Variants in CDH18 observed in about 807,000 individuals in gnomAD.
The protein encoded by CDH18 is cadherin 18, also known as cadherin-18.
A neutral mutation model predicts 67.9 loss-of-function variants in CDH18; 31 were observed. That is an observed-to-expected ratio of 0.46 (90% CI 0.34 to 0.62). The LOEUF (loss-of-function observed/expected upper bound fraction) is 0.62, where lower values mean the gene tolerates loss of function less well. Ranked by LOEUF, CDH18 falls within the 20% of genes least tolerant of loss-of-function variation. The probability of loss-of-function intolerance (pLI) is 0.01; values close to 1 mark genes in which losing one functional copy is unlikely to be tolerated. For synonymous variants in CDH18, 362 were observed against 347.2 expected (o/e 1.04, Z -0.48); for missense variants, 890 against 975.5 (o/e 0.91, Z 1.17).
At chr5:20,505,914 G>A (rs1754630173) in intron 1 of CDH18, among the ~76,000 whole-genome samples, 2 of 152,144 alleles carry the variant, frequency 1.3e-5, no homozygotes, top group African/African-American at 4.8e-5. Context: ...CACTCCATGT[G>A]GCCCATCAGT....
chr5:20,402,390 G>T (rs528520194), intron 1 of CDH18, among the ~76,000 whole-genome samples: 117 of 152,266 alleles, frequency 7.7e-4, no homozygotes, highest in African/African-American at 2.7e-3. Flanking sequence ...CAATGCTTGT[G>T]AAATATGTGT....
chr5:20,295,846 T>A (rs200353186), intron 1 of CDH18, among the ~76,000 whole-genome samples: 3 of 136,732 alleles, frequency 2.2e-5, no homozygotes, highest in Non-Finnish European at 3.2e-5. Flanking sequence ...CTGCAGACAT[T>A]TTATTTTATT....
chr5:19,733,540 C>A (rs1164283715), intron 4 of CDH18, among the ~76,000 whole-genome samples: 2 of 152,068 alleles, frequency 1.3e-5, no homozygotes, highest in African/African-American at 2.4e-5. Flanking sequence ...ATCAGTATGA[C>A]CTCATTCTTC....
At chr5:20,295,692 AC>A (rs1244759173) in intron 1 of CDH18, among the ~76,000 whole-genome samples, 4 of 151,346 alleles carry the variant, frequency 2.6e-5, no homozygotes, top group African/African-American at 9.7e-5. Context: ...GTGCCACTGC[AC>A]TCTAGCCTCG....
At chr5:19,577,064 A>G (rs1039551963) in intron 7 of CDH18, among the ~76,000 whole-genome samples, 3 of 152,164 alleles carry the variant, frequency 2.0e-5, no homozygotes, top group African/African-American at 7.2e-5. Flanking sequence ...AGAAAGTAGA[A>G]TGGTTGTTAC....
intron 1 of CDH18, chr5:20,305,689 G>C (rs1248834674): frequency 2.0e-5 from 9 of 440,660 alleles, no homozygotes; most frequent in East Asian, 4.7e-5. Context: ...CGCTGTGTTC[G>C]GCAGCGAGGC....
At chr5:20,267,807 C>T (rs1428110626) in intron 1 of CDH18, among the ~76,000 whole-genome samples, 2 of 152,108 alleles carry the variant, frequency 1.3e-5, no homozygotes, top group African/African-American at 2.4e-5. Flanking sequence ...ATAATTTCAA[C>T]TATTATTTTA....
rs571474678 is a variant in CDH18 at position 20,172,937 on chromosome 5, C to A, written c.-518+82507G>T. Reference sequence around the variant, plus strand: ...CCCGAGAGGCGGAGGTTGCAGTGAGCCGAGATCGCACCATTTCACTCCAGC... The same window carrying A: ...CCCGAGAGGCGGAGGTTGCAGTGAGACGAGATCGCACCATTTCACTCCAGC... On this transcript the variant is annotated intron_variant, in intron 2 of 14. Transcript: ENST00000507958. Among the ~76,000 whole-genome samples the A allele has an allele frequency of 1.4e-4, 21 of 151,452 alleles. No individual in the cohort carries two copies. In the South Asian group the frequency reaches 4.2e-3, roughly 30 times the overall value.
At chr5:19,960,546 C>T (rs12659492) in intron 2 of CDH18, among the ~76,000 whole-genome samples, 61,587 of 127,962 alleles carry the variant, frequency 0.48, 15,560 homozygotes, top group Middle Eastern at 0.67. Flanking sequence ...GTTTAATATA[C>T]GTGTGTGTGT....
intron 7 of CDH18, among the ~76,000 whole-genome samples, chr5:19,581,540 T>C (rs1053788046): frequency 6.6e-6 from 1 of 151,992 alleles, no homozygotes; most frequent in African/African-American, 2.4e-5. Flanking sequence ...ATGAGTCAAT[T>C]ATTCTTAGAG....
intron 6 of CDH18, among the ~76,000 whole-genome samples, chr5:19,604,329 A>G (rs2150077198): frequency 6.6e-6 from 1 of 152,128 alleles, no homozygotes; most frequent in Non-Finnish European, 1.5e-5. Flanking sequence ...AGAACTATTT[A>G]CTATTTTATA....
intron 2 of CDH18, among the ~76,000 whole-genome samples, chr5:19,927,337 A>G (rs2150187170): frequency 6.6e-6 from 1 of 152,230 alleles, no homozygotes; most frequent in South Asian, 2.1e-4. Context: ...AACTCATTTC[A>G]TTCTCACAAT....
chr5:20,044,983 T>C (rs1740783362), intron 2 of CDH18, among the ~76,000 whole-genome samples: 2 of 152,174 alleles, frequency 1.3e-5, no homozygotes. Context: ...TTGTATTCTA[T>C]CTCATTCATT....
intron 1 of CDH18, among the ~76,000 whole-genome samples, chr5:20,513,922 A>C (rs1755203655): frequency 1.3e-5 from 2 of 152,154 alleles, no homozygotes; most frequent in African/African-American, 4.8e-5. Context: ...GTTTAAAGCT[A>C]TCCATTCAGT....
chr5:20,094,454 T>C (rs1745707102), intron 2 of CDH18, among the ~76,000 whole-genome samples: 1 of 152,196 alleles, frequency 6.6e-6, no homozygotes, highest in East Asian at 1.9e-4. Flanking sequence ...AAGCTCTTTT[T>C]TGGTTCCATA....
At chr5:19,745,771 C>A (rs914329800) in intron 4 of CDH18, among the ~76,000 whole-genome samples, 6 of 152,056 alleles carry the variant, frequency 3.9e-5, no homozygotes, top group Non-Finnish European at 7.4e-5. Context: ...GAGACTTCAG[C>A]TAAGGAAGAA....
In CDH18 at chr5:20,573,806, A is replaced by AATATATATATAT. The variant is rs60858438; in HGVS notation, c.-580+1644_-580+1655dup. On this transcript the variant is annotated intron_variant, in intron 1 of 14. Transcript: ENST00000507958. ...TCCCCCAAATATAATACTTAAAAGA[A>AATATATATATAT]ATATATATATATATATATATATATA... Among the ~76,000 whole-genome samples the AATATATATATAT allele has an allele frequency of 5.6e-4, 67 of 118,940 alleles. 5 individuals carry two copies. Among genetic ancestry groups the AATATATATATAT allele is most frequent in the East Asian group, 3.3e-3 (10 of 2,996 alleles). 78.0% of individuals were successfully genotyped at this position (118,940 alleles called of 152,430 possible).
chr5:19,676,472 C>G (rs1759505910), intron 5 of CDH18, among the ~76,000 whole-genome samples: 1 of 151,926 alleles, frequency 6.6e-6, no homozygotes, highest in South Asian at 2.1e-4. Flanking sequence ...ATCACATTGC[C>G]TCTCTAAAAA....
intron 5 of CDH18, among the ~76,000 whole-genome samples, chr5:19,670,634 ACTTTTTAAAAG>A (rs1268110703): frequency 2.0e-5 from 3 of 152,116 alleles, no homozygotes; most frequent in Non-Finnish European, 4.4e-5. Context: ...AAATGGCAAT[ACTTTTTAAAAG>A]CTTCCAGAGA....
Sources: gnomAD v4.1 joint callset for allele counts (sites outside exome capture counted in the v4.1 genomes callset) on GRCh38, gnomAD v4.1.1 for gene constraint, MANE v1.5 for transcripts, NCBI Gene and HGNC (gene_info 2026-07-23, HGNC 2026-07-21) for gene names.